Variants in PCDH7 observed in about 807,000 individuals in gnomAD.
PCDH7 encodes protocadherin 7.
A neutral mutation model predicts 58.9 loss-of-function variants in PCDH7; 17 were observed. That is an observed-to-expected ratio of 0.29 (90% CI 0.20 to 0.43). PCDH7 has a LOEUF of 0.43. Ranked by LOEUF, PCDH7 falls within the 20% of genes least tolerant of loss-of-function variation. PCDH7 has a pLI of 1.00. For missense variants in PCDH7, 1,274 were observed against 1,441.0 expected, an observed-to-expected ratio of 0.88 and a Z score of 1.88; for synonymous variants, 664 against 616.4, an observed-to-expected ratio of 1.08 and a Z score of -1.14.
At chr4:30,888,050 A>AT (rs1178530652) in intron 1 of PCDH7, among the ~76,000 whole-genome samples, 1 of 151,660 alleles carries the variant, frequency 6.6e-6, no homozygotes, top group Non-Finnish European at 1.5e-5. Flanking sequence ...TAATTTTTGT[A>AT]TTTTTAGTAG....
Position 31,085,092 on chromosome 4 carries a change from C to T in PCDH7, c.*8-57381C>T, listed in dbSNP as rs1166889245. ...TTTTATTATTACTCAAATCAGTCTTCCTGAGCATTTGGGGAGCAGAATTTT... is the reference window on the plus strand; with the variant it reads ...TTTTATTATTACTCAAATCAGTCTTTCTGAGCATTTGGGGAGCAGAATTTT... On this transcript the variant is annotated intron_variant, in intron 3 of 3. Transcript: ENST00000509759. 3.3e-5 allele frequency among the ~76,000 whole-genome samples: 5 copies of T among 152,046 alleles called. No individual in the cohort carries two copies. The East Asian group carries it at 9.7e-4, about 29-fold the overall frequency.
At chr4:30,918,579 G>A (rs145382779) in intron 1 of PCDH7, among the ~76,000 whole-genome samples, 8 of 152,184 alleles carry the variant, frequency 5.3e-5, no homozygotes, top group African/African-American at 1.9e-4. Context: ...TACATGCTAT[G>A]TATACTGAAA....
intron 1 of PCDH7, among the ~76,000 whole-genome samples, chr4:30,749,086 T>C (rs558147606): frequency 1.1e-4 from 16 of 152,322 alleles, no homozygotes; most frequent in African/African-American, 3.6e-4. Context: ...CGTAGCTTCC[T>C]CAAATGCATT....
intron 1 of PCDH7, among the ~76,000 whole-genome samples, chr4:30,824,101 T>C (rs1385375679): frequency 1.6e-5 from 2 of 128,658 alleles, no homozygotes; most frequent in African/African-American, 6.0e-5. Context: ...CTTTCTTTCT[T>C]TCTTTCTTTC....
intron 1 of PCDH7, among the ~76,000 whole-genome samples, chr4:30,854,382 T>A (rs1000221541): frequency 6.6e-6 from 1 of 151,020 alleles, no homozygotes; most frequent in African/African-American, 2.4e-5. Context: ...GATTGAAGAA[T>A]TTAGGGAACT....
chr4:31,138,256 T>C, intron 3 of PCDH7, among the ~76,000 whole-genome samples: 1 of 152,168 alleles, frequency 6.6e-6, no homozygotes, highest in East Asian at 1.9e-4. Flanking sequence ...AATACTATGT[T>C]TTTGAGAGAT....
chr4:30,830,659 T>C (rs550601470), intron 1 of PCDH7, among the ~76,000 whole-genome samples: 2 of 152,192 alleles, frequency 1.3e-5, no homozygotes, highest in Admixed American at 1.3e-4. Context: ...ATCTTGGGCC[T>C]AGATCTTGGG....
At chr4:30,886,018 T>G (rs6834945) in intron 1 of PCDH7, among the ~76,000 whole-genome samples, 3 of 151,466 alleles carry the variant, frequency 2.0e-5, no homozygotes, top group African/African-American at 7.3e-5. Context: ...CCATAAAAAC[T>G]CTAGAAGAAA....
intron 3 of PCDH7, among the ~76,000 whole-genome samples, chr4:31,119,787 T>C (rs1364232687): frequency 2.0e-5 from 3 of 152,096 alleles, no homozygotes; most frequent in Non-Finnish European, 4.4e-5. Context: ...GTTATACACA[T>C]GCTCCAGAAG....
At chr4:30,893,495 G>T (rs1041319143) in intron 1 of PCDH7, among the ~76,000 whole-genome samples, 17 of 152,000 alleles carry the variant, frequency 1.1e-4, no homozygotes, top group African/African-American at 4.1e-4. Context: ...TCTTATTTCT[G>T]AAACTCACTT....
chr4:31,146,554 TA>T (rs1720691117), downstream of PCDH7: 2 of 152,098 alleles, frequency 1.3e-5, no homozygotes, highest in African/African-American at 4.8e-5. Flanking sequence ...GATCTGTTTG[TA>T]ATGTTAATCA....
intron 2 of PCDH7, among the ~76,000 whole-genome samples, chr4:30,930,798 A>G (rs1485499841): frequency 6.6e-6 from 1 of 151,690 alleles, no homozygotes; most frequent in Non-Finnish European, 1.5e-5. Flanking sequence ...AATTTGCCAG[A>G]TGTGGTGGCA....
At chr4:31,063,813 C>T (rs1380581983) in intron 3 of PCDH7, among the ~76,000 whole-genome samples, 1 of 151,888 alleles carries the variant, frequency 6.6e-6, no homozygotes, top group Non-Finnish European at 1.5e-5. Context: ...GATGTTATCT[C>T]TTGTATGTAT....
intron 1 of PCDH7, among the ~76,000 whole-genome samples, chr4:30,919,395 A>G (rs1285222186): frequency 6.6e-6 from 1 of 152,180 alleles, no homozygotes; most frequent in Non-Finnish European, 1.5e-5. Context: ...TAAATTGTGG[A>G]GTTCAACTGG....
At chr4:30,879,464 T>C (rs1159480328) in intron 1 of PCDH7, among the ~76,000 whole-genome samples, 1 of 152,110 alleles carries the variant, frequency 6.6e-6, no homozygotes, top group Non-Finnish European at 1.5e-5. Context: ...GCAAAATTTC[T>C]CTCTTAAGCC....
intron 1 of PCDH7, among the ~76,000 whole-genome samples, chr4:30,860,264 G>T (rs986758303): frequency 2.0e-5 from 3 of 152,072 alleles, no homozygotes; most frequent in East Asian, 1.9e-4. Flanking sequence ...TCCAGGGAGG[G>T]TCTAAAAAGG....
At chr4:30,959,003 C>T (rs191953534) in intron 3 of PCDH7, among the ~76,000 whole-genome samples, 1 of 152,034 alleles carries the variant, frequency 6.6e-6, no homozygotes, top group African/African-American at 2.4e-5. Context: ...AGGCTCAAAG[C>T]ACCAGATTAG....
At chr4:31,032,503 G>C (rs1215663679) in intron 3 of PCDH7, among the ~76,000 whole-genome samples, 1 of 151,514 alleles carries the variant, frequency 6.6e-6, no homozygotes, top group African/African-American at 2.4e-5. Context: ...AGCTATCCAG[G>C]AGTCTGAGGC....
At chr4:30,752,379 C>T (rs1175538803) in intron 1 of PCDH7, among the ~76,000 whole-genome samples, 3 of 152,052 alleles carry the variant, frequency 2.0e-5, no homozygotes, top group Non-Finnish European at 4.4e-5. Context: ...CATGATGGAG[C>T]AGGTTCATGG....
Sources: gnomAD v4.1 joint callset for allele counts (sites outside exome capture counted in the v4.1 genomes callset) on GRCh38, gnomAD v4.1.1 for gene constraint, MANE v1.5 for transcripts, NCBI Gene and HGNC (gene_info 2026-07-23, HGNC 2026-07-21) for gene names.